ZNF880: variants seen among roughly 807,000 people sequenced by gnomAD.
The protein encoded by ZNF880 is zinc finger protein 880.
Under a neutral mutation model 11.8 loss-of-function variants are expected in ZNF880, and 12 were observed. That is an observed-to-expected ratio of 1.02 (90% CI 0.65 to 1.65). ZNF880 has a LOEUF of 1.65. Among genes scored for constraint, ZNF880 ranks in the 40% most tolerant of loss-of-function variants. The pLI is 0.00. For synonymous variants in ZNF880, 210 were observed against 232.4 expected, an observed-to-expected ratio of 0.90 and a Z score of 0.88; for missense variants, 601 against 673.9, an observed-to-expected ratio of 0.89 and a Z score of 1.20.
chr19:52,368,760 C>T (rs917635566), upstream of ZNF880, among the ~76,000 whole-genome samples: 2 of 151,884 alleles, frequency 1.3e-5, no homozygotes, highest in African/African-American at 4.8e-5. Flanking sequence ...TACATTTCTT[C>T]CCTGTTTTGC....
chr19:52,370,153 T>A, intron 1 of ZNF880, 176 bp downstream of exon 1: 1 of 799,888 alleles, frequency 1.3e-6, no homozygotes, highest in Non-Finnish European at 2.0e-6. Context: ...TTAAAATCGC[T>A]CGGAGGCTGG....
chr19:52,393,860 G>C, the ZNF880 span, among the ~76,000 whole-genome samples: 5 of 113,478 alleles, frequency 4.4e-5, no homozygotes, highest in Non-Finnish European at 6.9e-5. Flanking sequence ...TTTTTGAGAC[G>C]GAGTCTTGCT....
chr19:52,388,306 T>TA (rs958273281), downstream of ZNF880, among the ~76,000 whole-genome samples: 7 of 131,186 alleles, frequency 5.3e-5, no homozygotes, highest in African/African-American at 1.7e-4. Context: ...TTTTTTTTTT[T>TA]AGGCAGAGTC....
chr19:52,391,245 A>C, the ZNF880 span: 1 of 151,988 alleles, frequency 6.6e-6, no homozygotes, highest in African/African-American at 2.4e-5. Context: ...CAGCCTGGGG[A>C]GAACTGGGAT....
chr19:52,375,883 A>G (rs1309324606), intron 3 of ZNF880, among the ~76,000 whole-genome samples: 4 of 152,160 alleles, frequency 2.6e-5, no homozygotes, highest in Admixed American at 2.6e-4. Context: ...TAGGTTGCCC[A>G]GGCTTGTCTT....
Position 52,384,665 on chromosome 19 carries a change from A to G in ZNF880, c.1085A>G (p.Asn362Ser), listed in dbSNP as rs200089722. ...TGTAATAAATGTGGCAAGGTCTTCA[A>G]TCGAAATGCACACCTTACCAGACAT... is the stretch of plus-strand genomic sequence containing the variant. ...YKCNKCGKVF[N>S]RNAHLTRHQR... Residue 362 changes from asparagine (N) to serine (S), a missense_variant, in exon 4 of 4, where the codon AAT becomes AGT. Transcript: ENST00000422689. 26 of 1,610,552 alleles carry G rather than the reference A, an allele frequency of 1.6e-5. No individual in the cohort carries two copies. Among genetic ancestry groups the G allele is most frequent in the African/African-American group, 1.3e-4 (10 of 74,136 alleles).
chr19:52,391,583 A>G, the ZNF880 span: 2 of 152,216 alleles, frequency 1.3e-5, no homozygotes, highest in Admixed American at 6.5e-5. Flanking sequence ...ATGAGGAAAG[A>G]GGGGGACACT....
chr19:52,388,262 A>C (rs1431342039), downstream of ZNF880, among the ~76,000 whole-genome samples: 2 of 121,806 alleles, frequency 1.6e-5, no homozygotes, highest in Non-Finnish European at 3.4e-5. Context: ...TTCCCCTTAC[A>C]ACATTTTTGG....
At chr19:52,386,802 C>CAAAA (rs71180452), downstream of ZNF880, among the ~76,000 whole-genome samples, 3 of 79,924 alleles carry the variant, frequency 3.8e-5, no homozygotes, top group South Asian at 3.7e-4. Flanking sequence ...AACTCTGTCT[C>CAAAA]AAAAAAAAAA....
In ZNF880 at chr19:52,385,226, GAT is replaced by G. The variant is rs1568666121; in HGVS notation, c.1647_1648del (p.Cys550SerfsTer2). 4 of 1,551,814 alleles carry G rather than the reference GAT, an allele frequency of 2.6e-6. No individual in the cohort carries two copies. On this transcript the variant is annotated frameshift_variant, in exon 4 of 4. Coordinates refer to ENST00000422689, the MANE Select transcript of ZNF880 (RefSeq NM_001145434.2). LOFTEE classifies it low-confidence loss of function (END_TRUNC). The stretch of plus-strand genomic sequence containing the variant: ...ATTCATACTGGGGAGAAACCGTACA[GAT>G]GTCATGAATGTGGTAAGGACTTCAC...
the ZNF880 span, among the ~76,000 whole-genome samples, chr19:52,396,120 A>G: frequency 1.2e-5 from 1 of 84,898 alleles, no homozygotes; most frequent in South Asian, 3.6e-4. Context: ...ATGCCTGGCT[A>G]ATTTTTTTTT....
At position 52,384,825 on chromosome 19, in the gene ZNF880, A is replaced by ACACG; in HGVS notation, c.1245_1246insCACG (p.Ala416HisfsTer4). On this transcript the variant is annotated frameshift_variant, in exon 4 of 4. Coordinates refer to ENST00000422689, the MANE Select transcript of ZNF880 (RefSeq NM_001145434.2). LOFTEE classifies it low-confidence loss of function (END_TRUNC). ...CTTACAAATGTAATGAATGTGGCAA[A>ACACG]GCATTTAGAGACTGTTCAGGCCTTA... 9.2e-7 allele frequency: 1 copy of ACACG among 1,091,998 alleles called. No homozygotes were observed. Among genetic ancestry groups the ACACG allele is most frequent in the East Asian group, 3.0e-5 (1 of 33,040 alleles). 67.6% of individuals were successfully genotyped at this position (1,091,998 alleles called of 1,614,324 possible). A position where few individuals can be genotyped will look rare whatever the true frequency, so the allele number is the denominator to read the frequency against.
At chr19:52,369,588 G>A (rs957235208), upstream of ZNF880, among the ~76,000 whole-genome samples, 3 of 151,762 alleles carry the variant, frequency 2.0e-5, no homozygotes, top group South Asian at 2.1e-4. Context: ...ATGCCCAGGC[G>A]GGAGTGCAGC....
the ZNF880 span, chr19:52,396,269 C>T: frequency 6.6e-6 from 1 of 152,206 alleles, no homozygotes; most frequent in Admixed American, 6.5e-5. Flanking sequence ...CACGCCTGGC[C>T]CAGATATCCC....
At chr19:52,393,881 G>A in the ZNF880 span, among the ~76,000 whole-genome samples, 1 of 126,616 alleles carries the variant, frequency 7.9e-6, no homozygotes, top group East Asian at 2.6e-4. Context: ...CTGTCGCCCA[G>A]GCTGGAGTGC....
chr19:52,392,086 G>A, the ZNF880 span, among the ~76,000 whole-genome samples: 1 of 152,076 alleles, frequency 6.6e-6, no homozygotes, highest in Non-Finnish European at 1.5e-5. Context: ...GCACAAAACT[G>A]CCCCCAGAAT....
chr19:52,390,982 G>C, the ZNF880 span: 2 of 152,504 alleles, frequency 1.3e-5, no homozygotes, highest in Admixed American at 6.6e-5. Flanking sequence ...GTGGATGAGG[G>C]ATTTGCAGAG....
chr19:52,373,808 C>A (rs567142062), intron 2 of ZNF880, among the ~76,000 whole-genome samples: 46 of 150,716 alleles, frequency 3.1e-4, no homozygotes, highest in Non-Finnish European at 5.6e-4. Flanking sequence ...GTAGCTGGGA[C>A]TACAGGCACG....
At chr19:52,373,818 G>A (rs1009649058) in intron 2 of ZNF880, among the ~76,000 whole-genome samples, 1 of 150,850 alleles carries the variant, frequency 6.6e-6, no homozygotes, top group Non-Finnish European at 1.5e-5. Flanking sequence ...CTACAGGCAC[G>A]TGCCACCACG....
Sources: gnomAD v4.1 joint callset for allele counts (sites outside exome capture counted in the v4.1 genomes callset) on GRCh38, gnomAD v4.1.1 for gene constraint, MANE v1.5 for transcripts, NCBI Gene and HGNC (gene_info 2026-07-23, HGNC 2026-07-21) for gene names.